Variants in ST6GALNAC5 observed in about 807,000 individuals in gnomAD.
ST6GALNAC5 encodes alpha-N-acetylgalactosaminide alpha-2,6-sialyltransferase 5.
ST6GALNAC5 carries 27 observed loss-of-function variants against 33.6 expected under a neutral mutation model. The ratio of observed to expected loss-of-function variants is 0.80; its 90% confidence interval spans 0.59 to 1.11. The LOEUF is 1.11. Ranked by LOEUF, ST6GALNAC5 falls within the 50% of genes least tolerant of loss-of-function variation. The pLI is 0.00. For missense variants in ST6GALNAC5, 428 were observed against 454.0 expected (o/e 0.94, Z 0.52); for synonymous variants, 194 against 171.2 (o/e 1.13, Z -1.04).
intron 2 of ST6GALNAC5, among the ~76,000 whole-genome samples, chr1:77,001,395 G>T (rs1373522460): frequency 8.1e-6 from 1 of 123,936 alleles, no homozygotes; most frequent in African/African-American, 3.0e-5. Context: ...ATTTTGGGCT[G>T]AGACAATGGG....
intron 2 of ST6GALNAC5, among the ~76,000 whole-genome samples, chr1:77,010,780 A>T (rs907810313): frequency 6.6e-6 from 1 of 152,172 alleles, no homozygotes; most frequent in African/African-American, 2.4e-5. Flanking sequence ...GATCTTAAGG[A>T]TTGTGCTCTA....
At chr1:77,023,818 A>G (rs890507756) in intron 2 of ST6GALNAC5, among the ~76,000 whole-genome samples, 3 of 152,208 alleles carry the variant, frequency 2.0e-5, no homozygotes, top group Admixed American at 6.5e-5. Flanking sequence ...AGTGTGAGCT[A>G]CAAAGCAGGA....
intron 2 of ST6GALNAC5, among the ~76,000 whole-genome samples, chr1:76,959,893 A>G (rs1648158083): frequency 6.6e-6 from 1 of 152,188 alleles, no homozygotes; most frequent in African/African-American, 2.4e-5. Flanking sequence ...GAAAGCTTCT[A>G]TCCTGAGATC....
chr1:77,042,477 G>A (rs981646619), intron 2 of ST6GALNAC5, among the ~76,000 whole-genome samples: 1 of 152,182 alleles, frequency 6.6e-6, no homozygotes. Context: ...GGGGAATTAT[G>A]AGAATTTGCA....
intron 2 of ST6GALNAC5, among the ~76,000 whole-genome samples, chr1:76,965,714 T>C (rs1409239763): frequency 6.6e-6 from 1 of 152,228 alleles, no homozygotes. Flanking sequence ...TTGCCTAGGT[T>C]TTCTTCTAGG....
At chr1:76,884,100 C>T (rs539771557) in intron 2 of ST6GALNAC5, among the ~76,000 whole-genome samples, 9 of 152,302 alleles carry the variant, frequency 5.9e-5, no homozygotes, top group African/African-American at 1.7e-4. Context: ...AATTAGCAGA[C>T]TGTTGCTTGG....
intron 2 of ST6GALNAC5, among the ~76,000 whole-genome samples, chr1:77,007,574 A>C (rs1332243123): frequency 6.6e-6 from 1 of 152,244 alleles, no homozygotes; most frequent in African/African-American, 2.4e-5. Context: ...AAGAGGAAGA[A>C]GTTTGAAGAA....
intron 2 of ST6GALNAC5, among the ~76,000 whole-genome samples, chr1:76,996,009 A>G (rs911152430): frequency 6.6e-6 from 1 of 152,206 alleles, no homozygotes; most frequent in African/African-American, 2.4e-5. Context: ...ATCATGTTGC[A>G]GTGTTATAGA....
intron 4 of ST6GALNAC5, among the ~76,000 whole-genome samples, chr1:77,061,697 G>A: frequency 6.6e-6 from 1 of 152,110 alleles, no homozygotes; most frequent in East Asian, 1.9e-4. Flanking sequence ...AGAAGAGGTG[G>A]GCTAGACTGG....
At chr1:76,867,907 G>C (rs1409392857) in intron 1 of ST6GALNAC5, among the ~76,000 whole-genome samples, 1 of 152,098 alleles carries the variant, frequency 6.6e-6, no homozygotes, top group Non-Finnish European at 1.5e-5. Flanking sequence ...GGGTTGCCTC[G>C]CCTCCTAGAT....
chr1:77,041,426 T>C (rs1326397746), intron 2 of ST6GALNAC5, among the ~76,000 whole-genome samples: 1 of 152,194 alleles, frequency 6.6e-6, no homozygotes, highest in African/African-American at 2.4e-5. Context: ...TTAATGGCAA[T>C]TAGTTTTGCG....
At chr1:76,942,563 G>A (rs1647375447) in intron 2 of ST6GALNAC5, among the ~76,000 whole-genome samples, 1 of 152,120 alleles carries the variant, frequency 6.6e-6, no homozygotes, top group Admixed American at 6.5e-5. Context: ...GTGGGGCACA[G>A]AACAGATATG....
chr1:77,054,158 G>A (rs1652315802), intron 4 of ST6GALNAC5, among the ~76,000 whole-genome samples: 1 of 152,212 alleles, frequency 6.6e-6, no homozygotes, highest in Non-Finnish European at 1.5e-5. Context: ...CTGAGACTCA[G>A]TTGACCACAA....
intron 2 of ST6GALNAC5, among the ~76,000 whole-genome samples, chr1:76,922,327 T>C (rs1037691316): frequency 5.9e-5 from 9 of 152,136 alleles, no homozygotes; most frequent in African/African-American, 2.2e-4. Flanking sequence ...AATCTGTCTG[T>C]GAAAACCACA....
intron 2 of ST6GALNAC5, among the ~76,000 whole-genome samples, chr1:76,996,141 T>G (rs1300010216): frequency 6.6e-6 from 1 of 152,228 alleles, no homozygotes; most frequent in Non-Finnish European, 1.5e-5. Context: ...CTAACCAACT[T>G]GTGCAAAGTT....
At chr1:77,008,339 GA>G (rs1357803629) in intron 2 of ST6GALNAC5, among the ~76,000 whole-genome samples, 1 of 152,132 alleles carries the variant, frequency 6.6e-6, no homozygotes, top group African/African-American at 2.4e-5. Flanking sequence ...GAGTCAGACA[GA>G]TGTGTCCGTT....
At chr1:77,042,618 C>T (rs573408446) in intron 2 of ST6GALNAC5, among the ~76,000 whole-genome samples, 1 of 152,236 alleles carries the variant, frequency 6.6e-6, no homozygotes, top group East Asian at 1.9e-4. Context: ...GTGATAGGAA[C>T]CCTGGACAAG....
chr1:76,894,087 C>G (rs978426976), intron 2 of ST6GALNAC5, among the ~76,000 whole-genome samples: 2 of 152,166 alleles, frequency 1.3e-5, no homozygotes, highest in African/African-American at 4.8e-5. Flanking sequence ...CCTTTGAAAT[C>G]GGTTCAAGAC....
intron 2 of ST6GALNAC5, among the ~76,000 whole-genome samples, chr1:77,019,778 G>T (rs989013994): frequency 2.6e-5 from 4 of 152,136 alleles, no homozygotes; most frequent in African/African-American, 9.7e-5. Context: ...CTGCCACTCT[G>T]GCACATGTCT....
Sources: allele counts gnomAD v4.1 joint callset (sites outside exome capture counted in the v4.1 genomes callset), GRCh38; gene constraint gnomAD v4.1.1; transcripts MANE v1.5; gene names NCBI Gene and HGNC (gene_info 2026-07-23, HGNC 2026-07-21).